Variants in ZNF804B observed in about 807,000 individuals in gnomAD.
The protein encoded by ZNF804B is zinc finger protein 804B.
ZNF804B carries 80 observed loss-of-function variants against 101.4 expected under a neutral mutation model. That is an observed-to-expected ratio of 0.79 (90% CI 0.66 to 0.95). ZNF804B has a LOEUF of 0.95. Among genes scored for constraint, ZNF804B ranks in the 40% least tolerant of loss-of-function variants. ZNF804B has a pLI of 0.00. For synonymous variants in ZNF804B, 622 were observed against 558.8 expected (o/e 1.11, Z -1.59); for missense variants, 1,673 against 1,561.9 (o/e 1.07, Z -1.20).
At chr7:88,841,474 C>T (rs1013537475) in intron 1 of ZNF804B, among the ~76,000 whole-genome samples, 5 of 152,124 alleles carry the variant, frequency 3.3e-5, no homozygotes, top group Non-Finnish European at 7.3e-5. Context: ...TATTGTTACT[C>T]ATCAATGCTG....
At chr7:88,876,290 A>G (rs538362932) in intron 1 of ZNF804B, among the ~76,000 whole-genome samples, 3 of 152,256 alleles carry the variant, frequency 2.0e-5, no homozygotes, top group East Asian at 3.9e-4. Context: ...ACTCTTTCCT[A>G]TCACATTAGA....
At chr7:88,851,771 T>C (rs1170483549) in intron 1 of ZNF804B, among the ~76,000 whole-genome samples, 3 of 152,126 alleles carry the variant, frequency 2.0e-5, no homozygotes, top group Non-Finnish European at 2.9e-5. Flanking sequence ...GTCAACTGTT[T>C]AAAGCAACAG....
intron 1 of ZNF804B, among the ~76,000 whole-genome samples, chr7:89,099,530 CAA>C (rs1790023080): frequency 6.6e-6 from 1 of 152,086 alleles, no homozygotes; most frequent in African/African-American, 2.4e-5. Flanking sequence ...ATGTGACAAA[CAA>C]GAGGAGTTCG....
chr7:88,820,388 G>C (rs890295293), intron 1 of ZNF804B, among the ~76,000 whole-genome samples: 2 of 152,028 alleles, frequency 1.3e-5, no homozygotes, highest in African/African-American at 4.8e-5. Flanking sequence ...TAGGGTTCAG[G>C]TGTTCCAGTG....
intron 1 of ZNF804B, among the ~76,000 whole-genome samples, chr7:88,832,693 A>G (rs1296549410): frequency 6.6e-6 from 1 of 151,952 alleles, no homozygotes; most frequent in Non-Finnish European, 1.5e-5. Context: ...TGTTTGGCCG[A>G]AGATGTGTTT....
intron 1 of ZNF804B, among the ~76,000 whole-genome samples, chr7:88,928,442 T>A (rs765196873): frequency 6.6e-6 from 1 of 152,286 alleles, no homozygotes; most frequent in African/African-American, 2.4e-5. Context: ...TAAGAGACTT[T>A]GAAGTGCTAA....
intron 1 of ZNF804B, among the ~76,000 whole-genome samples, chr7:89,211,701 A>C (rs928663967): frequency 6.6e-6 from 1 of 152,026 alleles, no homozygotes; most frequent in African/African-American, 2.4e-5. Flanking sequence ...CCATGGGTCT[A>C]TGTGCCTGTT....
chr7:88,866,786 A>C (rs775433325), intron 1 of ZNF804B, among the ~76,000 whole-genome samples: 1 of 152,208 alleles, frequency 6.6e-6, no homozygotes, highest in Non-Finnish European at 1.5e-5. Flanking sequence ...GATTTGTTGA[A>C]TATTGATAGA....
intron 1 of ZNF804B, among the ~76,000 whole-genome samples, chr7:89,205,232 G>A (rs1037795606): frequency 2.6e-5 from 4 of 152,152 alleles, no homozygotes; most frequent in Non-Finnish European, 5.9e-5. Flanking sequence ...AATTCAAGGT[G>A]AGATTTGGGT....
intron 1 of ZNF804B, among the ~76,000 whole-genome samples, chr7:89,072,305 G>A (rs1789554967): frequency 1.3e-5 from 2 of 152,124 alleles, no homozygotes; most frequent in African/African-American, 4.8e-5. Context: ...TTGGCTCACT[G>A]CCACTTGAAA....
chr7:88,776,443 T>C (rs1266646184), intron 1 of ZNF804B, among the ~76,000 whole-genome samples: 5 of 152,144 alleles, frequency 3.3e-5, no homozygotes, highest in Admixed American at 3.3e-4. Context: ...AGCAGCCCTG[T>C]GTTTTCACAA....
intron 2 of ZNF804B, among the ~76,000 whole-genome samples, chr7:89,318,011 A>T (rs1302432250): frequency 6.6e-6 from 1 of 152,224 alleles, no homozygotes; most frequent in Non-Finnish European, 1.5e-5. Flanking sequence ...GCAACAGTTT[A>T]AAAAGCCAAG....
At chr7:89,158,674 G>T (rs969410438) in intron 1 of ZNF804B, among the ~76,000 whole-genome samples, 12 of 152,102 alleles carry the variant, frequency 7.9e-5, no homozygotes, top group Admixed American at 2.0e-4. Flanking sequence ...ATGTAAGTTA[G>T]TGTATGACCC....
intron 2 of ZNF804B, among the ~76,000 whole-genome samples, chr7:89,291,877 A>G (rs529845522): frequency 4.6e-5 from 7 of 152,306 alleles, no homozygotes; most frequent in Non-Finnish European, 8.8e-5. Flanking sequence ...AGGATCCTAA[A>G]AGCAGCAAGA....
chr7:88,940,142 A>T (rs552045894), intron 1 of ZNF804B, among the ~76,000 whole-genome samples: 1 of 152,186 alleles, frequency 6.6e-6, no homozygotes, highest in East Asian at 1.9e-4. Context: ...AAATATACTC[A>T]GATCTAAATG....
At chr7:89,217,720 C>G (rs190387269) in intron 1 of ZNF804B, among the ~76,000 whole-genome samples, 3 of 152,102 alleles carry the variant, frequency 2.0e-5, no homozygotes, top group Non-Finnish European at 2.9e-5. Context: ...ACATCAGGCT[C>G]TATCTATAGT....
At chr7:88,763,365 GA>G in intron 1 of ZNF804B, among the ~76,000 whole-genome samples, 1 of 152,200 alleles carries the variant, frequency 6.6e-6, no homozygotes, top group Non-Finnish European at 1.5e-5. Context: ...TCAGTAAACT[GA>G]AAATCCCAGA....
chr7:89,058,116 C>A, intron 1 of ZNF804B, among the ~76,000 whole-genome samples: 1 of 152,070 alleles, frequency 6.6e-6, no homozygotes, highest in East Asian at 1.9e-4. Flanking sequence ...TTACACTCCT[C>A]TGGATGCTTA....
At chr7:88,973,027 A>T (rs1399390765) in intron 1 of ZNF804B, among the ~76,000 whole-genome samples, 2 of 151,376 alleles carry the variant, frequency 1.3e-5, no homozygotes, top group Non-Finnish European at 3.0e-5. Context: ...ACACATAGAT[A>T]TCCTGCAGTA....
Sources: allele counts gnomAD v4.1 joint callset (sites outside exome capture counted in the v4.1 genomes callset), GRCh38; gene constraint gnomAD v4.1.1; transcripts MANE v1.5; gene names NCBI Gene and HGNC (gene_info 2026-07-23, HGNC 2026-07-21).